OCA2: variants seen among roughly 807,000 people sequenced by gnomAD.
OCA2 encodes P protein.
In OCA2, 77 loss-of-function variants were observed where a neutral mutation model predicts 100.2. The ratio of observed to expected loss-of-function variants is 0.77; its 90% CI spans 0.64 to 0.93. OCA2 has a LOEUF of 0.93. Ranked by LOEUF, OCA2 falls within the 40% of genes least tolerant of loss-of-function variation. The pLI is 0.00. For missense variants in OCA2, 1,062 were observed against 1,089.1 expected, an observed-to-expected ratio of 0.98 and a Z score of 0.35; for synonymous variants, 432 against 439.2, an observed-to-expected ratio of 0.98 and a Z score of 0.21.
chr15:27,855,720 C>G (rs960073464), intron 21 of OCA2, among the ~76,000 whole-genome samples: 1 of 152,184 alleles, frequency 6.6e-6, no homozygotes, highest in Non-Finnish European at 1.5e-5. Flanking sequence ...GCTCTAGATA[C>G]AAGAGACAGA....
chr15:27,730,614 A>C, the OCA2 span, among the ~76,000 whole-genome samples: 1 of 151,668 alleles, frequency 6.6e-6, no homozygotes, highest in Non-Finnish European at 1.5e-5. Flanking sequence ...CCTCCATCCT[A>C]CAGCTATCTA....
intron 9 of OCA2, among the ~76,000 whole-genome samples, chr15:28,003,093 G>T (rs1167205690): frequency 6.6e-6 from 1 of 152,220 alleles, no homozygotes; most frequent in Non-Finnish European, 1.5e-5. Context: ...CGTCAGCCAC[G>T]CACGGACTGT....
chr15:27,941,381 G>A (rs945986652), intron 18 of OCA2, among the ~76,000 whole-genome samples: 18 of 152,094 alleles, frequency 1.2e-4, no homozygotes, highest in Non-Finnish European at 1.5e-4. Flanking sequence ...GTGGTACTCC[G>A]TCAAAATTAT....
intron 2 of OCA2, among the ~76,000 whole-genome samples, chr15:28,037,218 A>G (rs1240998598): frequency 1.3e-5 from 2 of 151,706 alleles, no homozygotes; most frequent in East Asian, 3.9e-4. Context: ...AAATCAAGAC[A>G]GGGCCAGACT....
chr15:27,952,229 C>T (rs145533409), intron 17 of OCA2, among the ~76,000 whole-genome samples: 1,550 of 152,292 alleles, frequency 0.01, 28 homozygotes, highest in African/African-American at 0.035. Context: ...GCCAAGCATG[C>T]GGGTGGGGCC....
At chr15:28,093,313 C>T (rs2044903041) in intron 1 of OCA2, among the ~76,000 whole-genome samples, 2 of 151,340 alleles carry the variant, frequency 1.3e-5, no homozygotes, top group African/African-American at 4.9e-5. Flanking sequence ...TCCCAGCTAC[C>T]GAGGAGACTG....
intron 9 of OCA2, among the ~76,000 whole-genome samples, chr15:27,998,079 T>C (rs1447700913): frequency 1.4e-5 from 2 of 148,048 alleles, no homozygotes; most frequent in African/African-American, 4.9e-5. Context: ...ACGTTAGACC[T>C]AAAACCATAA....
chr15:27,853,677 T>A (rs1252799878), intron 21 of OCA2, among the ~76,000 whole-genome samples: 2 of 151,728 alleles, frequency 1.3e-5, no homozygotes, highest in Non-Finnish European at 2.9e-5. Flanking sequence ...TGAGCCTGCC[T>A]CCGGGAGGCT....
At chr15:28,090,666 C>A (rs1459241799) in intron 1 of OCA2, among the ~76,000 whole-genome samples, 2 of 152,040 alleles carry the variant, frequency 1.3e-5, no homozygotes, top group African/African-American at 4.8e-5. Flanking sequence ...TATAACATAT[C>A]AAAATTGACA....
intron 19 of OCA2, among the ~76,000 whole-genome samples, chr15:27,913,601 T>C (rs2038483712): frequency 6.6e-6 from 1 of 151,658 alleles, no homozygotes; most frequent in Non-Finnish European, 1.5e-5. Flanking sequence ...AAATCCTTGT[T>C]ATAAGAAGAG....
At chr15:27,818,211 G>C (rs1187032010) in intron 23 of OCA2, among the ~76,000 whole-genome samples, 1 of 152,120 alleles carries the variant, frequency 6.6e-6, no homozygotes, top group African/African-American at 2.4e-5. Context: ...CTAACATGGT[G>C]AAACCCCATC....
intron 19 of OCA2, among the ~76,000 whole-genome samples, chr15:27,913,853 AAG>A (rs1491237614): frequency 5.1e-5 from 2 of 39,006 alleles, no homozygotes; most frequent in East Asian, 0.042. Context: ...GAAAGAAAGA[AAG>A]AAAGAAAGAA....
chr15:27,745,481 C>T, the OCA2 span, among the ~76,000 whole-genome samples: 1 of 152,190 alleles, frequency 6.6e-6, no homozygotes, highest in Admixed American at 6.5e-5. Context: ...AACCGTAAAC[C>T]TCTAGCGGCT....
the OCA2 span, among the ~76,000 whole-genome samples, chr15:27,743,179 G>A: frequency 2.6e-4 from 39 of 152,256 alleles, no homozygotes; most frequent in African/African-American, 7.9e-4. Flanking sequence ...GCATCTGCAG[G>A]GGAGCTGGCT....
At chr15:27,836,462 C>T (rs1217461391) in intron 23 of OCA2, among the ~76,000 whole-genome samples, 1 of 152,030 alleles carries the variant, frequency 6.6e-6, no homozygotes, top group Non-Finnish European at 1.5e-5. Context: ...GCAAATATAA[C>T]ATGTGGATGA....
At chr15:28,042,360 C>T (rs536863478) in intron 2 of OCA2, among the ~76,000 whole-genome samples, 14 of 152,048 alleles carry the variant, frequency 9.2e-5, no homozygotes, top group African/African-American at 3.4e-4. Flanking sequence ...GGTGCGGTGG[C>T]TCACGCCTGT....
chr15:27,989,098 A>C (rs1400304925), intron 11 of OCA2, among the ~76,000 whole-genome samples: 3 of 151,988 alleles, frequency 2.0e-5, no homozygotes, highest in Non-Finnish European at 4.4e-5. Flanking sequence ...CTGGGTTAGG[A>C]CTCACACTAG....
At chr15:27,814,883 TATAG>T (rs201567846) in intron 23 of OCA2, among the ~76,000 whole-genome samples, 15,085 of 101,732 alleles carry the variant, frequency 0.15, 886 homozygotes, top group Non-Finnish European at 0.16. Context: ...ATTCTCTCTC[TATAG>T]ATAGATAGAT....
At chr15:27,942,115 C>T (rs1177594095) in intron 18 of OCA2, among the ~76,000 whole-genome samples, 1 of 151,714 alleles carries the variant, frequency 6.6e-6, no homozygotes, top group African/African-American at 2.4e-5. Flanking sequence ...TCTAAAAGTT[C>T]AACAGAGAGT....
Sources: allele counts gnomAD v4.1 joint callset (sites outside exome capture counted in the v4.1 genomes callset), GRCh38; gene constraint gnomAD v4.1.1; transcripts MANE v1.5; gene names NCBI Gene and HGNC (gene_info 2026-07-23, HGNC 2026-07-21).